The following FRMD4A variants were observed in gnomAD, a reference collection of about 807,000 sequenced individuals.
FRMD4A encodes the protein FERM domain-containing protein 4A.
A neutral mutation model predicts 129.1 loss-of-function variants in FRMD4A; 29 were observed. The observed-to-expected ratio is 0.22, with a 90% CI of 0.17 to 0.31. FRMD4A has a LOEUF of 0.31. Among genes scored for constraint, FRMD4A ranks in the 10% least tolerant of loss-of-function variants. The pLI is 1.00. For synonymous variants in FRMD4A, 634 were observed against 571.6 expected, an observed-to-expected ratio of 1.11 and a Z score of -1.56; for missense variants, 1,272 against 1,375.8, an observed-to-expected ratio of 0.92 and a Z score of 1.19.
At chr10:13,654,048 T>C in intron 23 of FRMD4A, 2 of 428,264 alleles carry the variant, frequency 4.7e-6, no homozygotes, top group Non-Finnish European at 8.2e-6. Flanking sequence ...TCATCAGCTC[T>C]CTTTCTCCCC....
intron 14 of FRMD4A, among the ~76,000 whole-genome samples, chr10:13,699,119 G>C (rs1295358061): frequency 1.4e-5 from 2 of 145,586 alleles, no homozygotes; most frequent in Non-Finnish European, 3.0e-5. Context: ...GCAGTGGTGT[G>C]ATCTCAGCTC....
intron 2 of FRMD4A, among the ~76,000 whole-genome samples, chr10:14,323,750 A>G (rs968377811): frequency 6.6e-6 from 1 of 152,190 alleles, no homozygotes; most frequent in African/African-American, 2.4e-5. Flanking sequence ...CACATTAGCC[A>G]GCCTGATTAG....
intron 2 of FRMD4A, among the ~76,000 whole-genome samples, chr10:13,871,555 A>C (rs1189613395): frequency 1.3e-5 from 2 of 152,192 alleles, no homozygotes; most frequent in Non-Finnish European, 2.9e-5. Context: ...CTTCCTTAAA[A>C]AAATAAAGAC....
chr10:14,105,385 G>A (rs1257190661), intron 2 of FRMD4A, among the ~76,000 whole-genome samples: 5 of 151,826 alleles, frequency 3.3e-5, no homozygotes, highest in African/African-American at 1.2e-4. Flanking sequence ...GGGCAACATA[G>A]CAAGACCCCA....
At chr10:14,065,102 C>T (rs1342940912) in intron 2 of FRMD4A, among the ~76,000 whole-genome samples, 1 of 152,134 alleles carries the variant, frequency 6.6e-6, no homozygotes, top group African/African-American at 2.4e-5. Context: ...TCTTCACACC[C>T]ACTATTGACG....
chr10:14,012,064 T>G (rs1479582278), intron 2 of FRMD4A, among the ~76,000 whole-genome samples: 1 of 150,662 alleles, frequency 6.6e-6, no homozygotes, highest in Non-Finnish European at 1.5e-5. Context: ...TGGAACAATA[T>G]TACATAGAAA....
At chr10:13,669,628 CA>C (rs1178892265) in intron 17 of FRMD4A, among the ~76,000 whole-genome samples, 2 of 152,252 alleles carry the variant, frequency 1.3e-5, no homozygotes, top group Non-Finnish European at 2.9e-5. Flanking sequence ...TGTTCAAGAG[CA>C]TGTTAATTAG....
At chr10:13,793,301 A>C (rs979269969) in intron 5 of FRMD4A, among the ~76,000 whole-genome samples, 6 of 151,836 alleles carry the variant, frequency 4.0e-5, no homozygotes, top group African/African-American at 1.5e-4. Flanking sequence ...CCTCCCAAGT[A>C]GCTGGGATTA....
intron 3 of FRMD4A, among the ~76,000 whole-genome samples, chr10:13,856,331 T>C (rs1323445867): frequency 6.6e-6 from 1 of 151,982 alleles, no homozygotes; most frequent in East Asian, 1.9e-4. Flanking sequence ...TGTCAAGACA[T>C]CTTAGGTTTG....
chr10:13,910,842 G>A (rs1254371249), intron 2 of FRMD4A, among the ~76,000 whole-genome samples: 2 of 136,558 alleles, frequency 1.5e-5, no homozygotes, highest in African/African-American at 2.9e-5. Context: ...CAGAAACCAC[G>A]GCATCATTCA....
intron 2 of FRMD4A, among the ~76,000 whole-genome samples, chr10:14,321,878 C>T (rs897527572): frequency 2.0e-5 from 3 of 152,058 alleles, no homozygotes; most frequent in Non-Finnish European, 4.4e-5. Flanking sequence ...GCGGACTTCT[C>T]CCTTGCTGTT....
intron 2 of FRMD4A, among the ~76,000 whole-genome samples, chr10:14,023,814 C>T (rs1832869035): frequency 6.6e-6 from 1 of 152,190 alleles, no homozygotes. Flanking sequence ...CTCAAACAGC[C>T]TCAGGCCACA....
Position 13,743,406 on chromosome 10 carries a change from CTAGA to C in FRMD4A, c.549-2833_549-2830del, listed in dbSNP as rs2091119405. Among the ~76,000 whole-genome samples the C allele has an allele frequency of 5.9e-5, 9 of 152,236 alleles. No individual in the cohort carries two copies. The South Asian group carries it at 1.7e-3, about 28-fold the overall frequency. On this transcript the variant is annotated intron_variant, in intron 9 of 24. Coordinates refer to ENST00000357447, the MANE Select transcript of FRMD4A (RefSeq NM_018027.5). ...ACATGGGGTTTTGTGAAGTCGACTCCTAGATCCAGGGTCAAGCAACTCAGTGTAG... is the reference window on the plus strand; with the variant it reads ...ACATGGGGTTTTGTGAAGTCGACTCCTCCAGGGTCAAGCAACTCAGTGTAG...
At chr10:13,671,433 G>T (rs1435819727) in intron 16 of FRMD4A, among the ~76,000 whole-genome samples, 1 of 152,112 alleles carries the variant, frequency 6.6e-6, no homozygotes, top group Non-Finnish European at 1.5e-5. Flanking sequence ...CAGCCTGGGT[G>T]ACAGATCGAG....
At chr10:14,211,570 A>T (rs1165001393) in intron 2 of FRMD4A, among the ~76,000 whole-genome samples, 1 of 152,110 alleles carries the variant, frequency 6.6e-6, no homozygotes. Context: ...CTTAAATCCC[A>T]TCCTCCTTTC....
At chr10:13,978,746 C>T (rs1419289565) in intron 2 of FRMD4A, among the ~76,000 whole-genome samples, 1 of 152,140 alleles carries the variant, frequency 6.6e-6, no homozygotes, top group Non-Finnish European at 1.5e-5. Context: ...AGGAAACTCA[C>T]TGTGTTCATC....
intron 2 of FRMD4A, among the ~76,000 whole-genome samples, chr10:13,923,511 G>A (rs538716418): frequency 6.6e-6 from 1 of 152,144 alleles, no homozygotes; most frequent in Non-Finnish European, 1.5e-5. Flanking sequence ...CACATAAACC[G>A]GGTATGTTAG....
chr10:13,705,795 T>G (rs146356315), intron 13 of FRMD4A, among the ~76,000 whole-genome samples: 1 of 152,314 alleles, frequency 6.6e-6, no homozygotes, highest in East Asian at 1.9e-4. Context: ...AGGCTACCAT[T>G]TTCACCTGAC....
chr10:14,008,028 C>G, intron 2 of FRMD4A: 2 of 1,297,164 alleles, frequency 1.5e-6, no homozygotes, highest in Non-Finnish European at 1.0e-6. Flanking sequence ...TTTGGAGCAA[C>G]TGAGAAGCAA....
Sources: gnomAD v4.1 joint callset for allele counts (sites outside exome capture counted in the v4.1 genomes callset) on GRCh38, gnomAD v4.1.1 for gene constraint, MANE v1.5 for transcripts, NCBI Gene and HGNC (gene_info 2026-07-23, HGNC 2026-07-21) for gene names.